PGBD2: variants seen among roughly 807,000 people sequenced by gnomAD.
PGBD2 encodes piggyBac transposable element-derived protein 2.
A neutral mutation model predicts 8.1 loss-of-function variants in PGBD2; 6 were observed. That is an observed-to-expected ratio of 0.74 (90% CI 0.40 to 1.46). The LOEUF (loss-of-function observed/expected upper bound fraction) is 1.46, where lower values mean the gene tolerates loss of function less well. PGBD2 is among the 40% of genes most tolerant of loss of function. The pLI is 0.02. For missense variants in PGBD2, 802 were observed against 739.0 expected, an observed-to-expected ratio of 1.09 and a Z score of -0.99; for synonymous variants, 318 against 272.2, an observed-to-expected ratio of 1.17 and a Z score of -1.66.
chr1:248,892,974 G>A, the PGBD2 span, among the ~76,000 whole-genome samples: 2 of 152,180 alleles, frequency 1.3e-5, no homozygotes, highest in Admixed American at 6.5e-5. Flanking sequence ...ACTAAGCACT[G>A]TCTATACAAC....
chr1:248,880,567 G>A, the PGBD2 span, among the ~76,000 whole-genome samples: 1 of 152,222 alleles, frequency 6.6e-6, no homozygotes, highest in Non-Finnish European at 1.5e-5. Flanking sequence ...GATGGGTAAT[G>A]CAGTGATTGA....
upstream of PGBD2, among the ~76,000 whole-genome samples, chr1:248,901,474 A>T (rs1417090172): frequency 6.6e-6 from 1 of 152,206 alleles, no homozygotes; most frequent in East Asian, 1.9e-4. Flanking sequence ...AAACCTGACA[A>T]AAACAAGCAA....
chr1:248,892,103 C>T, the PGBD2 span, among the ~76,000 whole-genome samples: 2 of 152,318 alleles, frequency 1.3e-5, no homozygotes, highest in East Asian at 1.9e-4. Flanking sequence ...GAATGGAAGT[C>T]AGTGCTCCAA....
chr1:248,873,797 A>T, the PGBD2 span, among the ~76,000 whole-genome samples: 2,304 of 152,310 alleles, frequency 0.015, 62 homozygotes, highest in African/African-American at 0.052. Context: ...GTGACGCGGC[A>T]GGCTGGCACC....
At chr1:248,929,599 C>T in the PGBD2 span, among the ~76,000 whole-genome samples, 1 of 152,212 alleles carries the variant, frequency 6.6e-6, no homozygotes, top group African/African-American at 2.4e-5. Flanking sequence ...ATTTAGCAAG[C>T]TCCTAGCAGA....
At chr1:248,875,329 GAAAAGAAAAA>G in the PGBD2 span, among the ~76,000 whole-genome samples, 6 of 121,606 alleles carry the variant, frequency 4.9e-5, no homozygotes, top group African/African-American at 1.9e-4. Context: ...AAAAAAAAAA[GAAAAGAAAAA>G]AAGAAAGAAA....
upstream of PGBD2, among the ~76,000 whole-genome samples, chr1:248,902,702 A>G (rs984820825): frequency 5.9e-5 from 9 of 152,098 alleles, no homozygotes; most frequent in African/African-American, 2.2e-4. Flanking sequence ...TTGCAGGGAG[A>G]TGGATGGAGC....
At chr1:248,904,223 T>C (rs1661581005), upstream of PGBD2, among the ~76,000 whole-genome samples, 1 of 152,140 alleles carries the variant, frequency 6.6e-6, no homozygotes, top group South Asian at 2.1e-4. Context: ...TATTTCTCAA[T>C]TAAAGAACTT....
chr1:248,876,102 T>C, the PGBD2 span, among the ~76,000 whole-genome samples: 2 of 151,600 alleles, frequency 1.3e-5, no homozygotes, highest in Non-Finnish European at 2.9e-5. Context: ...TCCGCCTCCC[T>C]GGTTCAAGCG....
the PGBD2 span, among the ~76,000 whole-genome samples, chr1:248,874,923 T>C: frequency 6.7e-6 from 1 of 148,220 alleles, no homozygotes; most frequent in Non-Finnish European, 1.5e-5. Flanking sequence ...GATAGATAGA[T>C]AGATAGATAG....
intron 1 of PGBD2, among the ~76,000 whole-genome samples, chr1:248,908,306 C>T (rs1446403343): frequency 2.6e-5 from 4 of 152,096 alleles, no homozygotes; most frequent in Non-Finnish European, 5.9e-5. Context: ...TTGTTGAGTG[C>T]CTGGGCCAGT....
chr1:248,915,793 G>A (rs1662078354), intron 2 of PGBD2, among the ~76,000 whole-genome samples: 2 of 152,220 alleles, frequency 1.3e-5, no homozygotes, highest in South Asian at 4.1e-4. Context: ...TCTTGAATTT[G>A]GGTAGTGAGA....
intron 1 of PGBD2, among the ~76,000 whole-genome samples, chr1:248,910,172 G>A (rs1661815641): frequency 6.6e-6 from 1 of 152,186 alleles, no homozygotes; most frequent in African/African-American, 2.4e-5. Context: ...TCATACTGAT[G>A]CATCCTTAAT....
rs374875361 is a variant in PGBD2 at position 248,913,883 on chromosome 1, G to A, written c.17+4G>A. The A allele has an allele frequency of 1.2e-6, 2 of 1,608,164 alleles. No individual in the cohort carries two copies. Among genetic ancestry groups the A allele is most frequent in the Non-Finnish European group, 1.7e-6 (2 of 1,174,604 alleles). On this transcript the variant is annotated splice_donor_region_variant and intron_variant, in intron 2 of 2. Coordinates refer to ENST00000329291, the MANE Select transcript of PGBD2 (RefSeq NM_170725.3). Reference sequence around the variant, plus strand: ...TCATCATGGCTTCAACATCCAGGTAGGAGTGCTGTTTGATCAAATGTTTTA... The same window carrying A: ...TCATCATGGCTTCAACATCCAGGTAAGAGTGCTGTTTGATCAAATGTTTTA...
intron 1 of PGBD2, among the ~76,000 whole-genome samples, chr1:248,909,148 A>T (rs1661772151): frequency 6.6e-6 from 1 of 152,170 alleles, no homozygotes; most frequent in African/African-American, 2.4e-5. Flanking sequence ...ATGTAGGAGC[A>T]CTGGTTACCC....
the PGBD2 span, among the ~76,000 whole-genome samples, chr1:248,874,405 G>C: frequency 6.6e-6 from 1 of 152,160 alleles, no homozygotes; most frequent in Admixed American, 6.5e-5. Context: ...TAAACAAAGG[G>C]CAAAACGCAC....
chr1:248,876,815 T>C, the PGBD2 span, among the ~76,000 whole-genome samples: 1 of 152,220 alleles, frequency 6.6e-6, no homozygotes, highest in Admixed American at 6.5e-5. Flanking sequence ...ACTGGGCACA[T>C]TGGAAAAACA....
the PGBD2 span, among the ~76,000 whole-genome samples, chr1:248,874,973 T>G: frequency 6.7e-6 from 1 of 149,052 alleles, no homozygotes; most frequent in African/African-American, 2.6e-5. Flanking sequence ...TAGATAGAGA[T>G]AGGTATACCT....
the PGBD2 span, among the ~76,000 whole-genome samples, chr1:248,892,451 T>TA: frequency 1.7e-3 from 245 of 145,828 alleles, no homozygotes; most frequent in East Asian, 7.7e-3. Flanking sequence ...GCAGTTAATC[T>TA]AAAAAAAAAA....
Sources: allele counts gnomAD v4.1 joint callset (sites outside exome capture counted in the v4.1 genomes callset), GRCh38; gene constraint gnomAD v4.1.1; transcripts MANE v1.5; gene names NCBI Gene and HGNC (gene_info 2026-07-23, HGNC 2026-07-21).